HCN1: variants seen among roughly 807,000 people sequenced by gnomAD.
HCN1 encodes potassium/sodium hyperpolarization-activated cyclic nucleotide-gated channel 1.
Under a neutral mutation model 78.9 loss-of-function variants are expected in HCN1, and 13 were observed. The observed-to-expected ratio is 0.16, with a 90% CI of 0.11 to 0.26. The LOEUF (loss-of-function observed/expected upper bound fraction) is 0.26. Among genes scored for constraint, HCN1 ranks in the 10% least tolerant of loss-of-function variants. HCN1 has a pLI of 1.00. For missense variants in HCN1, 810 were observed against 1,154.3 expected (o/e 0.70, Z 4.32); for synonymous variants, 552 against 455.5 (o/e 1.21, Z -2.70).
intron 3 of HCN1, among the ~76,000 whole-genome samples, chr5:45,454,544 T>A (rs1740986946): frequency 6.6e-6 from 1 of 152,012 alleles, no homozygotes; most frequent in African/African-American, 2.4e-5. Context: ...CGTTCTATTT[T>A]AAAAAATTAA....
intron 1 of HCN1, among the ~76,000 whole-genome samples, chr5:45,686,627 C>T (rs918072758): frequency 6.6e-6 from 1 of 152,144 alleles, no homozygotes; most frequent in African/African-American, 2.4e-5. Context: ...ACCTTTAGAT[C>T]ATTCTGGAGT....
intron 1 of HCN1, among the ~76,000 whole-genome samples, chr5:45,694,255 T>G (rs570760019): frequency 3.3e-5 from 5 of 152,366 alleles, no homozygotes; most frequent in Admixed American, 3.3e-4. Flanking sequence ...TTAGGTTTTA[T>G]AAGTTCTCCT....
At chr5:45,590,019 T>G (rs1418718748) in intron 2 of HCN1, among the ~76,000 whole-genome samples, 2 of 152,208 alleles carry the variant, frequency 1.3e-5, no homozygotes, top group African/African-American at 4.8e-5. Flanking sequence ...TGATAATTAC[T>G]CCACTTATAC....
chr5:45,570,093 C>T (rs556502881), intron 2 of HCN1, among the ~76,000 whole-genome samples: 1 of 152,164 alleles, frequency 6.6e-6, no homozygotes, highest in South Asian at 2.1e-4. Flanking sequence ...ATTCCTATTG[C>T]TATTTTTAAT....
In HCN1 at chr5:45,507,007, G is replaced by A. The variant is rs146572342; in HGVS notation, c.850-45000C>T. On this transcript the variant is annotated intron_variant, in intron 2 of 7. Transcript: ENST00000303230. ...ATATATTGTATACTGTTAATAATAA[G>A]AATTCACAGGGCCATTAGTTGAAAG... Among the ~76,000 whole-genome samples the A allele has an allele frequency of 4.9e-3, 751 of 152,078 alleles. 2 individuals are homozygous for A. Among genetic ancestry groups the A allele is most frequent in the African/African-American group, 0.017 (714 of 41,500 alleles).
At chr5:45,623,899 T>C (rs1745116183) in intron 2 of HCN1, among the ~76,000 whole-genome samples, 1 of 152,190 alleles carries the variant, frequency 6.6e-6, no homozygotes, top group Non-Finnish European at 1.5e-5. Flanking sequence ...AAGATCTCAA[T>C]GATAATTTGA....
At chr5:45,639,715 A>C (rs1354379039) in intron 2 of HCN1, among the ~76,000 whole-genome samples, 1 of 152,148 alleles carries the variant, frequency 6.6e-6, no homozygotes, top group Admixed American at 6.6e-5. Context: ...TTTTTTAGCT[A>C]TCTAAAAAAG....
At chr5:45,616,629 T>C (rs1216224680) in intron 2 of HCN1, among the ~76,000 whole-genome samples, 1 of 151,990 alleles carries the variant, frequency 6.6e-6, no homozygotes, top group Non-Finnish European at 1.5e-5. Context: ...TTTGCATTGA[T>C]AAAACCATAA....
At chr5:45,333,408 T>C (rs1483583536) in intron 5 of HCN1, among the ~76,000 whole-genome samples, 2 of 151,700 alleles carry the variant, frequency 1.3e-5, no homozygotes, top group Non-Finnish European at 3.0e-5. Context: ...TAGATGGGTG[T>C]GTTGCAAATA....
intron 2 of HCN1, among the ~76,000 whole-genome samples, chr5:45,625,090 C>T (rs186102175): frequency 1.3e-5 from 2 of 152,140 alleles, no homozygotes; most frequent in African/African-American, 2.4e-5. Flanking sequence ...GTGGCTCATG[C>T]CTGTAACCCC....
chr5:45,625,303 A>C (rs987368863), intron 2 of HCN1, among the ~76,000 whole-genome samples: 2 of 97,210 alleles, frequency 2.1e-5, no homozygotes, highest in African/African-American at 5.7e-5. Context: ...ACTCTGTCTC[A>C]AAACAAAACA....
At chr5:45,314,028 T>A (rs957562699) in intron 5 of HCN1, among the ~76,000 whole-genome samples, 1 of 150,896 alleles carries the variant, frequency 6.6e-6, no homozygotes, top group African/African-American at 2.4e-5. Flanking sequence ...GCCACAAAGA[T>A]ACGAGAAGAG....
chr5:45,350,012 T>C (rs1746853975), intron 5 of HCN1, among the ~76,000 whole-genome samples: 1 of 152,204 alleles, frequency 6.6e-6, no homozygotes, highest in South Asian at 2.1e-4. Flanking sequence ...GAATCCTCCC[T>C]AATTCATTTT....
chr5:45,470,652 A>G (rs1325031569), intron 2 of HCN1, among the ~76,000 whole-genome samples: 2 of 151,960 alleles, frequency 1.3e-5, no homozygotes, highest in South Asian at 2.1e-4. Flanking sequence ...AGTTTATTGA[A>G]GTAACTAATC....
intron 2 of HCN1, among the ~76,000 whole-genome samples, chr5:45,511,522 G>C (rs1742415288): frequency 6.6e-6 from 1 of 152,026 alleles, no homozygotes; most frequent in African/African-American, 2.4e-5. Flanking sequence ...TGATATGAAT[G>C]TTTAATTAGA....
At chr5:45,598,141 C>T (rs1212084343) in intron 2 of HCN1, among the ~76,000 whole-genome samples, 1 of 152,170 alleles carries the variant, frequency 6.6e-6, no homozygotes, top group East Asian at 1.9e-4. Flanking sequence ...AAGCTGGAGG[C>T]ATGACGATAC....
Position 45,316,669 on chromosome 5 carries a change from C to T in HCN1, c.1378-12830G>A, listed in dbSNP as rs181919103. Among the ~76,000 whole-genome samples the T allele has an allele frequency of 1.4e-3, 216 of 152,256 alleles. 1 individual carries two copies. Among genetic ancestry groups the T allele is most frequent in the African/African-American group, 3.9e-3 (163 of 41,568 alleles). ...TGACTGTATATTTAGAAAAACCCAT[C>T]GTCTCAGCCCAAAATCTTCTTAAGC... is the stretch of plus-strand genomic sequence containing the variant. On this transcript the variant is annotated intron_variant, in intron 5 of 7. Coordinates refer to ENST00000303230, the MANE Select transcript of HCN1 (RefSeq NM_021072.4).
chr5:45,423,667 CTTAT>C (rs1233428064), intron 3 of HCN1, among the ~76,000 whole-genome samples: 1 of 152,030 alleles, frequency 6.6e-6, no homozygotes, highest in African/African-American at 2.4e-5. Context: ...TTGTAAAAAG[CTTAT>C]TTGTTAGCCA....
intron 2 of HCN1, among the ~76,000 whole-genome samples, chr5:45,467,808 A>C (rs1741306847): frequency 6.6e-6 from 1 of 152,122 alleles, no homozygotes; most frequent in Admixed American, 6.6e-5. Flanking sequence ...CAAAGATTTA[A>C]AAACAATAAA....
Sources: allele counts gnomAD v4.1 joint callset (sites outside exome capture counted in the v4.1 genomes callset), GRCh38; gene constraint gnomAD v4.1.1; transcripts MANE v1.5; gene names NCBI Gene and HGNC (gene_info 2026-07-23, HGNC 2026-07-21).